The following RFC5 variants were observed in gnomAD, a reference collection of about 807,000 sequenced individuals.
RFC5 encodes A1 36 kDa subunit.
A neutral mutation model predicts 44.3 loss-of-function variants in RFC5; 26 were observed. The observed-to-expected ratio is 0.59, with a 90% CI of 0.43 to 0.81. The LOEUF is 0.81. Among genes scored for constraint, RFC5 ranks in the 40% least tolerant of loss-of-function variants. The probability of loss-of-function intolerance (pLI) is 0.00; values close to 1 mark genes in which losing one functional copy is unlikely to be tolerated. For missense variants in RFC5, 328 were observed against 418.6 expected (o/e 0.78, Z 1.89); for synonymous variants, 155 against 155.2 (o/e 1.00, Z 0.01).
chr12:118,035,575 C>T, downstream of RFC5: 1 of 449,890 alleles, frequency 2.2e-6, no homozygotes, highest in East Asian at 4.0e-5. Context: ...AGTAGGTCAG[C>T]CCTCACTTTA....
At position 118,024,921 on chromosome 12, in the gene RFC5, C is replaced by T; in HGVS notation, c.492C>T (p.Ala164=). The T allele has an allele frequency of 1.2e-6, 2 of 1,614,000 alleles. No individual in the cohort carries two copies. Among genetic ancestry groups the T allele is most frequent in the Non-Finnish European group, 1.7e-6 (2 of 1,179,922 alleles). Residue 164 remains alanine (A), a synonymous_variant, in exon 6 of 11, where the codon GCC becomes GCT. Coordinates refer to ENST00000454402, the MANE Select transcript of RFC5 (RefSeq NM_007370.7). ...ACTATCTGTCAAAGATCATCCCTGCCTTGCAGTCCCGCTGCACGAGGTTTC... is the reference window on the plus strand; with the variant it reads ...ACTATCTGTCAAAGATCATCCCTGCTTTGCAGTCCCGCTGCACGAGGTTTC... The part of the protein sequence containing the change: ...ICNYLSKIIP[A]LQSRCTRFRF...
intron 10 of RFC5, among the ~76,000 whole-genome samples, chr12:118,030,761 C>T (rs947030769): frequency 6.6e-6 from 1 of 152,164 alleles, no homozygotes; most frequent in African/African-American, 2.4e-5. Context: ...GCCTCAGCCT[C>T]CTGAGGAGCT....
intron 8 of RFC5, chr12:118,027,532 C>T (rs1026277797): frequency 1.3e-4 from 21 of 159,564 alleles, no homozygotes; most frequent in African/African-American, 4.8e-4. Context: ...ATTAGCCGGG[C>T]GTGGTGGTGG....
chr12:118,023,507 GGGAGGA>G (rs201689875), intron 5 of RFC5, among the ~76,000 whole-genome samples: 2 of 137,780 alleles, frequency 1.5e-5, no homozygotes, highest in South Asian at 2.4e-4. Context: ...GGAGAGGTGG[GGGAGGA>G]GGAGGAGGAG....
chr12:118,038,198 C>T, the RFC5 span: 9 of 1,265,112 alleles, frequency 7.1e-6, no homozygotes, highest in South Asian at 3.2e-5. Flanking sequence ...GGTGGATTTG[C>T]GGACGATTTT....
chr12:118,019,562 C>G lies in RFC5; in HGVS notation c.131-70C>G. Reference sequence around the variant, plus strand: ...TTGGGTTGAAGAGCTTTCAGCCCAACTCAGGAGCCCAGGGTGAATGAGGCA... The same window carrying G: ...TTGGGTTGAAGAGCTTTCAGCCCAAGTCAGGAGCCCAGGGTGAATGAGGCA... On this transcript the variant is annotated intron_variant, in intron 2 of 10. Coordinates refer to ENST00000454402, the MANE Select transcript of RFC5 (RefSeq NM_007370.7). This position sits in a 1 kb window ranked among gnomAD's most constrained non-coding sequence, Gnocchi z 4.2. 1 of 1,579,770 alleles carries G rather than the reference C, an allele frequency of 6.3e-7. No homozygotes were observed. The highest frequency in any genetic ancestry group is 1.1e-5 in the South Asian group (1 of 89,372).
chr12:118,034,971 C>A, downstream of RFC5: 3 of 1,612,708 alleles, frequency 1.9e-6, no homozygotes, highest in Non-Finnish European at 2.5e-6. Flanking sequence ...ATCTGTTCAG[C>A]TAACAAATAC....
chr12:118,034,886 C>T (rs988374224), downstream of RFC5: 8 of 1,171,294 alleles, frequency 6.8e-6, no homozygotes, highest in African/African-American at 9.3e-5. Context: ...TAAAGCTTTC[C>T]TCATAGGCAA....
the RFC5 span, chr12:118,038,468 A>C: frequency 5.9e-6 from 8 of 1,353,448 alleles, no homozygotes; most frequent in Non-Finnish European, 8.3e-6. Context: ...TGGGGTGGTA[A>C]CAGCCCCCAG....
chr12:118,038,875 T>G, the RFC5 span, among the ~76,000 whole-genome samples: 1 of 152,120 alleles, frequency 6.6e-6, no homozygotes, highest in African/African-American at 2.4e-5. Flanking sequence ...GAGACAGGGT[T>G]TCACCATATT....
downstream of RFC5, chr12:118,033,805 C>A (rs773986149): frequency 2.2e-5 from 5 of 228,224 alleles, no homozygotes; most frequent in Non-Finnish European, 4.4e-5. Flanking sequence ...CAGAAGCCAT[C>A]GTTCCCAGCG....
At chr12:118,038,357 C>G in the RFC5 span, 2 of 1,614,176 alleles carry the variant, frequency 1.2e-6, no homozygotes, top group Non-Finnish European at 1.7e-6. Flanking sequence ...AAACCCACTG[C>G]AGGTGGCCCG....
At chr12:118,027,501 G>A (rs557631250) in intron 8 of RFC5, 57 of 159,942 alleles carry the variant, frequency 3.6e-4, no homozygotes, top group Non-Finnish European at 5.9e-4. Context: ...GCGAAACCCC[G>A]TCTCTACTAA....
At chr12:118,024,197 C>T (rs555525773) in intron 5 of RFC5, among the ~76,000 whole-genome samples, 16 of 151,886 alleles carry the variant, frequency 1.1e-4, no homozygotes, top group African/African-American at 3.1e-4. Context: ...AAAAATTAGC[C>T]GGGCGTGGTG....
downstream of RFC5, chr12:118,035,156 C>A: frequency 6.2e-7 from 1 of 1,612,106 alleles, no homozygotes; most frequent in Non-Finnish European, 8.5e-7. Context: ...GAGGGCCTTG[C>A]TGCCATTACT....
chr12:118,036,542 A>G (rs2031515487), downstream of RFC5: 1 of 1,589,296 alleles, frequency 6.3e-7, no homozygotes, highest in Non-Finnish European at 8.6e-7. Context: ...TGGTTAGGGC[A>G]GAAGCAAAGT....
At chr12:118,024,792 G>A in intron 5 of RFC5, 59 bp from the exon 6 acceptor site, 1 of 1,471,334 alleles carries the variant, frequency 6.8e-7, no homozygotes, top group South Asian at 1.3e-5. Flanking sequence ...AAGTTTTCTG[G>A]GCTCTCTGAA....
At chr12:118,034,158 T>C (rs1566134465), downstream of RFC5, 1 of 1,612,712 alleles carries the variant, frequency 6.2e-7, no homozygotes, top group African/African-American at 1.3e-5. Context: ...GACAGGACGA[T>C]TTACCCTGCT....
chr12:118,026,775 G>A, intron 7 of RFC5, 114 bp from the exon 8 acceptor site: 1 of 1,154,218 alleles, frequency 8.7e-7, no homozygotes. Context: ...TGTGCCCATA[G>A]AACTTTGCTG....
Sources: allele counts gnomAD v4.1 joint callset (sites outside exome capture counted in the v4.1 genomes callset), GRCh38; gene constraint gnomAD v4.1.1; non-coding constraint Gnocchi (gnomAD v3.1); transcripts MANE v1.5; gene names NCBI Gene and HGNC (gene_info 2026-07-23, HGNC 2026-07-21).